Variants in AMMECR1L observed in about 807,000 individuals in gnomAD.
AMMECR1L encodes AMMECR1-like protein.
A neutral mutation model predicts 36.8 loss-of-function variants in AMMECR1L; 4 were observed. The observed-to-expected ratio is 0.11, with a 90% CI of 0.05 to 0.25. The LOEUF (loss-of-function observed/expected upper bound fraction) is 0.25. Among genes scored for constraint, AMMECR1L ranks in the 10% least tolerant of loss-of-function variants. AMMECR1L has a pLI of 1.00. For missense variants in AMMECR1L, 232 were observed against 392.1 expected, an observed-to-expected ratio of 0.59 and a Z score of 3.45; for synonymous variants, 147 against 148.0, an observed-to-expected ratio of 0.99 and a Z score of 0.05.
At chr2:127,885,040 G>A (rs114179483) in intron 1 of AMMECR1L, 10,002 of 486,918 alleles carry the variant, frequency 0.021, 276 homozygotes, top group African/African-American at 0.1. Flanking sequence ...TTCAGATCAG[G>A]ACAGGGAATG....
chr2:127,881,687 A>G (rs1263929965), intron 2 of AMMECR1L, among the ~76,000 whole-genome samples: 1 of 152,232 alleles, frequency 6.6e-6, no homozygotes, highest in Non-Finnish European at 1.5e-5. Flanking sequence ...GCTGTTACCA[A>G]TACTTCCCTA....
In AMMECR1L at chr2:127,861,663, T is replaced by G. The variant is rs1347377116; in HGVS notation, c.*3431A>C. 2 of 152,186 alleles carry G rather than the reference T, an allele frequency of 1.3e-5. No homozygotes were observed. Among genetic ancestry groups the G allele is most frequent in the Non-Finnish European group, 2.9e-5 (2 of 68,028 alleles). The allele number at this position is 152,186 out of a possible 1,614,324, so 9.4% of individuals were successfully genotyped here. On this transcript the variant is annotated 3_prime_UTR_variant, in exon 8 of 8. Transcript: ENST00000272647. Reference sequence around the variant, plus strand: ...CATTATGATTTATTCTCTACAATACTTCGTTAAAGTGTTCAATGATTTGCA... The same window carrying G: ...CATTATGATTTATTCTCTACAATACGTCGTTAAAGTGTTCAATGATTTGCA...
chr2:127,867,626 G>T (rs1690750237), intron 6 of AMMECR1L, among the ~76,000 whole-genome samples: 1 of 152,076 alleles, frequency 6.6e-6, no homozygotes, highest in Non-Finnish European at 1.5e-5. Context: ...TGCGCCTGTA[G>T]TCCCAGCTAC....
chr2:127,867,651 T>C (rs1209404356), intron 6 of AMMECR1L, among the ~76,000 whole-genome samples: 4 of 151,798 alleles, frequency 2.6e-5, no homozygotes, highest in Admixed American at 1.3e-4. Context: ...GAGGCTGAGG[T>C]GGGAGAATCA....
chr2:127,869,627 C>T lies in AMMECR1L; in HGVS notation c.634-83G>A, dbSNP rs1690866932. 6 of 1,158,570 alleles carry T rather than the reference C, an allele frequency of 5.2e-6. No individual in the cohort carries two copies. The highest frequency in any genetic ancestry group is 6.5e-6 in the Non-Finnish European group (5 of 772,276). The allele number at this position is 1,158,570 out of a possible 1,614,324, so 71.8% of individuals were successfully genotyped here. A position where few individuals can be genotyped will look rare whatever the true frequency, so the allele number is the denominator to read the frequency against. Reference sequence around the variant, plus strand: ...TCCCCACATATAAATCAACATTGTTCCCTGACCAGCTTAACACAGGCCTGG... The same window carrying T: ...TCCCCACATATAAATCAACATTGTTTCCTGACCAGCTTAACACAGGCCTGG... On this transcript the variant is annotated intron_variant, in intron 5 of 7. Transcript: ENST00000272647. The surrounding 1 kb of genome is among the most constrained non-coding windows in gnomAD (Gnocchi z 4.7).
At chr2:127,880,567 G>C (rs1303202079) in intron 2 of AMMECR1L, among the ~76,000 whole-genome samples, 1 of 151,938 alleles carries the variant, frequency 6.6e-6, no homozygotes, top group African/African-American at 2.4e-5. Context: ...AGGGGGCCCT[G>C]AACTTCATTA....
chr2:127,875,165 T>A (rs997126499), intron 2 of AMMECR1L, among the ~76,000 whole-genome samples: 5 of 151,906 alleles, frequency 3.3e-5, no homozygotes, highest in African/African-American at 4.8e-5. Flanking sequence ...ATTTTTTTTT[T>A]AATTGTTTTT....
chr2:127,880,806 T>C (rs1459099509), intron 2 of AMMECR1L, among the ~76,000 whole-genome samples: 1 of 147,896 alleles, frequency 6.8e-6, no homozygotes, highest in Non-Finnish European at 1.5e-5. Flanking sequence ...ACACTCCTGA[T>C]TGTCACCAAC....
At chr2:127,876,636 C>T (rs894336983) in intron 2 of AMMECR1L, among the ~76,000 whole-genome samples, 6 of 152,108 alleles carry the variant, frequency 3.9e-5, no homozygotes, top group African/African-American at 1.4e-4. Context: ...GGTTCCTCCA[C>T]GATTAACCTC....
chr2:127,880,178 G>C (rs904053635), intron 2 of AMMECR1L, among the ~76,000 whole-genome samples: 1 of 152,176 alleles, frequency 6.6e-6, no homozygotes, highest in Non-Finnish European at 1.5e-5. Flanking sequence ...GAAATCAGGT[G>C]TAAAAACCCT....
At chr2:127,880,723 G>A (rs1691456525) in intron 2 of AMMECR1L, among the ~76,000 whole-genome samples, 1 of 151,880 alleles carries the variant, frequency 6.6e-6, no homozygotes, top group Non-Finnish European at 1.5e-5. Flanking sequence ...AGGCCGCAGG[G>A]CATCTGTTTC....
chr2:127,873,018 T>C lies in AMMECR1L; in HGVS notation c.407+810A>G. 1.0e-6 allele frequency: 1 copy of C among 985,422 alleles called. No homozygotes were observed. Among genetic ancestry groups the C allele is most frequent in the Non-Finnish European group, 1.2e-6 (1 of 829,932 alleles). 61.0% of individuals were successfully genotyped at this position (985,422 alleles called of 1,614,324 possible). A position where few individuals can be genotyped will look rare whatever the true frequency, so the allele number is the denominator to read the frequency against. On this transcript the variant is annotated intron_variant, in intron 3 of 7. Coordinates refer to ENST00000272647, the MANE Select transcript of AMMECR1L (RefSeq NM_001199140.2). The surrounding 1 kb of genome is among the most constrained non-coding windows in gnomAD (Gnocchi z 5.2). Reference sequence around the variant, plus strand: ...GCCTCCCAAGGGAAGAGGCTCCTTTTCTTCACACCCTCTCCATGCCCCAGC... The same window carrying C: ...GCCTCCCAAGGGAAGAGGCTCCTTTCCTTCACACCCTCTCCATGCCCCAGC...
rs1374712867 is a variant in AMMECR1L, at chr2:127,869,147, T to C, written c.724+307A>G. Among the ~76,000 whole-genome samples the C allele has an allele frequency of 3.9e-5, 6 of 152,198 alleles. No homozygotes were observed. The highest frequency in any genetic ancestry group is 8.8e-5 in the Non-Finnish European group (6 of 68,022). On this transcript the variant is annotated intron_variant, in intron 6 of 7. Transcript: ENST00000272647. This position sits in a 1 kb window ranked among gnomAD's most constrained non-coding sequence, Gnocchi z 4.7. Reference sequence around the variant, plus strand: ...GAATTCTACAATATGGTCAGGTTGATTGGTGGTATTTTGCTACAATTGCCA... The same window carrying C: ...GAATTCTACAATATGGTCAGGTTGACTGGTGGTATTTTGCTACAATTGCCA...
Position 127,871,234 on chromosome 2 carries a change from G to A in AMMECR1L, c.518+15C>T. The A allele has an allele frequency of 6.2e-7, 1 of 1,611,628 alleles. No individual in the cohort carries two copies. ...AGCCAATTTATCTACAGTTCTTAAT[G>A]TCTGGTGTCATTACCTGGTTAACGT... On this transcript the variant is annotated intron_variant, in intron 4 of 7. Transcript: ENST00000272647. This position sits in a 1 kb window ranked among gnomAD's most constrained non-coding sequence, Gnocchi z 4.3.
intron 2 of AMMECR1L, among the ~76,000 whole-genome samples, chr2:127,875,410 AAG>A (rs1441750116): frequency 1.3e-5 from 2 of 152,090 alleles, no homozygotes; most frequent in East Asian, 3.8e-4. Context: ...GGAGAGAGAG[AAG>A]AGAGATTTGC....
At chr2:127,877,530 T>C (rs1041125554) in intron 2 of AMMECR1L, among the ~76,000 whole-genome samples, 3 of 152,198 alleles carry the variant, frequency 2.0e-5, no homozygotes, top group Admixed American at 1.3e-4. Context: ...GAGATGGTGT[T>C]TCACCATGTT....
Position 127,873,672 on chromosome 2 carries a change from T to G in AMMECR1L, c.407+156A>C. The G allele has an allele frequency of 1.0e-6, 1 of 985,464 alleles. No individual in the cohort carries two copies. The highest frequency in any genetic ancestry group is 1.2e-6 in the Non-Finnish European group (1 of 829,940). 61.0% of individuals were successfully genotyped at this position (985,464 alleles called of 1,614,324 possible). ...TTCCATTACTGAATCCACTGAATGT[T>G]TTAAATATTCTCTGGACATTTCTTA... is the stretch of plus-strand genomic sequence containing the variant. On this transcript the variant is annotated intron_variant, in intron 3 of 7. Coordinates refer to ENST00000272647, the MANE Select transcript of AMMECR1L (RefSeq NM_001199140.2). The surrounding 1 kb of genome is among the most constrained non-coding windows in gnomAD (Gnocchi z 5.2).
chr2:127,866,832 C>T (rs1418147227), intron 7 of AMMECR1L, 68 bp downstream of exon 7: 2 of 1,405,196 alleles, frequency 1.4e-6, no homozygotes, highest in Non-Finnish European at 2.0e-6. Flanking sequence ...TTCTCCATCC[C>T]ATCAAAATTA....
chr2:127,881,228 G>C (rs1361757654), intron 2 of AMMECR1L, among the ~76,000 whole-genome samples: 2 of 151,732 alleles, frequency 1.3e-5, no homozygotes, highest in African/African-American at 4.8e-5. Context: ...CTACCCACTG[G>C]AGAATTTATT....
Sources: allele counts gnomAD v4.1 joint callset (sites outside exome capture counted in the v4.1 genomes callset), GRCh38; gene constraint gnomAD v4.1.1; non-coding constraint Gnocchi (gnomAD v3.1); transcripts MANE v1.5; gene names NCBI Gene and HGNC (gene_info 2026-07-23, HGNC 2026-07-21).